STK39: variants seen among roughly 807,000 people sequenced by gnomAD.
STK39 encodes STE20/SPS1-related proline-alanine-rich protein kinase.
A neutral mutation model predicts 77.8 loss-of-function variants in STK39; 20 were observed. The observed-to-expected ratio is 0.26, with a 90% CI of 0.18 to 0.37. STK39 has a LOEUF of 0.37. STK39 is among the 10% of genes least tolerant of loss of function. The pLI, the probability that STK39 is intolerant of heterozygous loss-of-function variation, is 1.00. For synonymous variants in STK39, 246 were observed against 234.1 expected, an observed-to-expected ratio of 1.05 and a Z score of -0.47; for missense variants, 479 against 656.5, an observed-to-expected ratio of 0.73 and a Z score of 2.95.
intron 14 of STK39, among the ~76,000 whole-genome samples, chr2:168,059,935 C>CT (rs1476187326): frequency 1.3e-5 from 2 of 152,128 alleles, no homozygotes; most frequent in African/African-American, 4.8e-5. Context: ...TCTGCCTTTT[C>CT]TTTTTTCTAC....
At position 168,056,887 on chromosome 2, in the gene STK39, A is replaced by T. The variant is rs115744272; in HGVS notation, c.1376+6613T>A. ...GAGAATAGCTTGTTCAGGCCCAGAG[A>T]TGATGCAAATGATCCAAAGTAGACT... On this transcript the variant is annotated intron_variant, in intron 14 of 17. Transcript: ENST00000355999. Among the ~76,000 whole-genome samples, 1,495 of 152,304 alleles carry T rather than the reference A, an allele frequency of 9.8e-3. 24 individuals carry two copies. The highest frequency in any genetic ancestry group is 0.034 in the African/African-American group (1,430 of 41,568).
intron 2 of STK39, among the ~76,000 whole-genome samples, chr2:168,173,231 A>G (rs1688871752): frequency 6.6e-6 from 1 of 152,226 alleles, no homozygotes; most frequent in Non-Finnish European, 1.5e-5. Flanking sequence ...ATACATCTGT[A>G]AAATGTATGC....
At chr2:168,163,372 C>T (rs1301572815) in intron 4 of STK39, among the ~76,000 whole-genome samples, 1 of 152,116 alleles carries the variant, frequency 6.6e-6, no homozygotes, top group Non-Finnish European at 1.5e-5. Flanking sequence ...GAGTAGTTAC[C>T]AAAACTGATC....
intron 1 of STK39, among the ~76,000 whole-genome samples, chr2:168,238,393 T>C (rs939492378): frequency 1.3e-5 from 2 of 152,196 alleles, no homozygotes; most frequent in African/African-American, 4.8e-5. Context: ...AAGAATCACA[T>C]GAGCACCCCC....
intron 1 of STK39, among the ~76,000 whole-genome samples, chr2:168,237,071 T>C (rs4372846): frequency 0.99 from 150,944 of 152,094 alleles, 74,907 homozygotes; most frequent in Middle Eastern, 1. Flanking sequence ...ATTCTTCCTA[T>C]CCATGAGCAT....
chr2:168,149,899 C>A (rs373967815), intron 5 of STK39, among the ~76,000 whole-genome samples: 293 of 152,288 alleles, frequency 1.9e-3, no homozygotes, highest in South Asian at 5.4e-3. Context: ...TAAACCTACA[C>A]CAAAGAAAAT....
intron 5 of STK39, among the ~76,000 whole-genome samples, chr2:168,154,825 C>G (rs1559123524): frequency 6.6e-6 from 1 of 152,130 alleles, no homozygotes; most frequent in Non-Finnish European, 1.5e-5. Flanking sequence ...TGAGGATACA[C>G]TGAAACCAAA....
intron 10 of STK39, among the ~76,000 whole-genome samples, chr2:168,091,784 T>C (rs1210630214): frequency 6.6e-6 from 1 of 152,216 alleles, no homozygotes; most frequent in Non-Finnish European, 1.5e-5. Flanking sequence ...TTTGCCAATC[T>C]GATTTTATCT....
At chr2:168,048,031 T>C (rs1443553357) in intron 14 of STK39, among the ~76,000 whole-genome samples, 1 of 152,206 alleles carries the variant, frequency 6.6e-6, no homozygotes. Flanking sequence ...TGAAAATTTT[T>C]TAAAAGAGTA....
chr2:168,244,752 C>G (rs1432812035), intron 1 of STK39, among the ~76,000 whole-genome samples: 1 of 152,222 alleles, frequency 6.6e-6, no homozygotes, highest in Non-Finnish European at 1.5e-5. Context: ...CCAACTCTTT[C>G]TCTTTTAGTT....
chr2:168,002,828 G>A (rs1330051651), intron 16 of STK39, among the ~76,000 whole-genome samples: 2 of 152,058 alleles, frequency 1.3e-5, no homozygotes, highest in African/African-American at 2.4e-5. Context: ...CTGTGCTTAC[G>A]TTTGTGTTCG....
At chr2:168,063,460 A>G (rs1685713666) in intron 14 of STK39, 40 bp downstream of exon 14, 4 of 1,547,318 alleles carry the variant, frequency 2.6e-6, no homozygotes, top group Middle Eastern at 1.7e-4. Context: ...AAATTGTACT[A>G]TAGGAAAAAC....
At chr2:168,095,343 A>G (rs1345024532) in intron 10 of STK39, among the ~76,000 whole-genome samples, 3 of 152,134 alleles carry the variant, frequency 2.0e-5, no homozygotes, top group South Asian at 2.1e-4. Flanking sequence ...GTTCTCAAAT[A>G]TGCTTGATCA....
chr2:168,174,988 A>G (rs1688921473), intron 2 of STK39, among the ~76,000 whole-genome samples: 1 of 152,094 alleles, frequency 6.6e-6, no homozygotes, highest in Admixed American at 6.6e-5. Flanking sequence ...TGTAGGGTGT[A>G]ATGTGTCTTC....
At chr2:168,141,485 G>C (rs1398066475) in intron 5 of STK39, among the ~76,000 whole-genome samples, 2 of 152,146 alleles carry the variant, frequency 1.3e-5, no homozygotes, top group African/African-American at 4.8e-5. Context: ...ATACATACAG[G>C]CACATGTGTA....
chr2:168,232,598 A>G (rs1381403283), intron 1 of STK39, among the ~76,000 whole-genome samples: 2 of 152,098 alleles, frequency 1.3e-5, no homozygotes, highest in Admixed American at 6.6e-5. Context: ...TATATTATCT[A>G]TTTCCAATGG....
At chr2:168,209,995 T>C (rs1355172321) in intron 1 of STK39, among the ~76,000 whole-genome samples, 15 of 81,716 alleles carry the variant, frequency 1.8e-4, no homozygotes, top group Non-Finnish European at 6.4e-5. Context: ...AGACTCTATC[T>C]CAAAAAAAAA....
At chr2:168,031,745 G>A (rs1684837903) in intron 14 of STK39, among the ~76,000 whole-genome samples, 1 of 152,144 alleles carries the variant, frequency 6.6e-6, no homozygotes, top group Non-Finnish European at 1.5e-5. Flanking sequence ...AAACCTTTGG[G>A]CAGCTTCATC....
At chr2:168,236,270 T>C (rs1368749830) in intron 1 of STK39, among the ~76,000 whole-genome samples, 1 of 152,256 alleles carries the variant, frequency 6.6e-6, no homozygotes, top group Non-Finnish European at 1.5e-5. Flanking sequence ...GAAGTGTCTG[T>C]TCATATCCTT....
Sources: allele counts gnomAD v4.1 joint callset (sites outside exome capture counted in the v4.1 genomes callset), GRCh38; gene constraint gnomAD v4.1.1; transcripts MANE v1.5; gene names NCBI Gene and HGNC (gene_info 2026-07-23, HGNC 2026-07-21).